DDX54: variants seen among roughly 807,000 people sequenced by gnomAD.
The protein encoded by DDX54 is DEAD-box helicase 54.
A neutral mutation model predicts 105.5 loss-of-function variants in DDX54; 67 were observed. The observed-to-expected ratio is 0.64, with a 90% CI of 0.52 to 0.78. DDX54 has a LOEUF of 0.78. Ranked by LOEUF, DDX54 falls within the 30% of genes least tolerant of loss-of-function variation. The pLI is 0.00. For synonymous variants in DDX54, 514 were observed against 509.9 expected (o/e 1.01, Z -0.11); for missense variants, 1,206 against 1,230.5 (o/e 0.98, Z 0.30).
intron 6 of DDX54, 29 bp from the exon 7 acceptor site, chr12:113,176,964 C>T: frequency 6.2e-7 from 1 of 1,613,946 alleles, no homozygotes; most frequent in Non-Finnish European, 8.5e-7. Context: ...GCCAGGTGAC[C>T]CCAGGGCCAG....
intron 1 of DDX54, among the ~76,000 whole-genome samples, 167 bp from the exon 2 acceptor site, chr12:113,181,225 CAGA>C (rs1324190983): frequency 3.3e-5 from 5 of 151,962 alleles, no homozygotes; most frequent in Admixed American, 6.6e-5. Context: ...TGGGCCAGGA[CAGA>C]AGTTTAGAGT....
chr12:113,175,585 G>A (rs986986016), intron 7 of DDX54, among the ~76,000 whole-genome samples: 1 of 152,140 alleles, frequency 6.6e-6, no homozygotes, highest in South Asian at 2.1e-4. Flanking sequence ...TCAGGAGATC[G>A]AGACCATCCT....
At chr12:113,181,197 A>T in intron 1 of DDX54, 139 bp from the exon 2 acceptor site, 1 of 1,074,654 alleles carries the variant, frequency 9.3e-7, no homozygotes, top group South Asian at 2.0e-5. Context: ...CTTTTTTGCT[A>T]GTAAGTTCTC....
At chr12:113,182,876 C>CTT (rs879610774) in intron 1 of DDX54, among the ~76,000 whole-genome samples, 7 of 134,610 alleles carry the variant, frequency 5.2e-5, no homozygotes, top group Non-Finnish European at 9.6e-5. Flanking sequence ...CTTTTCAACA[C>CTT]TTTTTTTTTT....
chr12:113,159,060 C>T lies in DDX54; in HGVS notation c.2463G>A (p.Pro821=), dbSNP rs768555932. Residue 821 remains proline, a synonymous_variant, in exon 20 of 20, where the codon CCG becomes CCA. Coordinates refer to ENST00000306014, the MANE Select transcript of DDX54 (RefSeq NM_024072.4). ...APGTPAGRVR[P]ELKTKQQILK... is the part of the protein sequence containing the mutation. ...GGATCTGCTGCTTGGTCTTGAGTTC[C>T]GGGCGGACTCGGCCTGCAGGGGTGC... 16 of 1,609,028 alleles carry T rather than the reference C, an allele frequency of 9.9e-6. No homozygotes were observed. The highest frequency in any genetic ancestry group is 5.0e-5 in the Admixed American group (3 of 59,744).
intron 10 of DDX54, among the ~76,000 whole-genome samples, chr12:113,173,801 A>G (rs1952365703): frequency 6.6e-6 from 1 of 152,238 alleles, no homozygotes. Context: ...ACCAGCTATC[A>G]GCTGGTAACA....
intron 12 of DDX54, among the ~76,000 whole-genome samples, chr12:113,168,597 G>A (rs1952302112): frequency 1.3e-5 from 2 of 152,220 alleles, no homozygotes; most frequent in African/African-American, 2.4e-5. Context: ...GATTGCTATT[G>A]TCTGTCCCAT....
chr12:113,172,951 G>C (rs1308545175), intron 10 of DDX54, among the ~76,000 whole-genome samples: 1 of 151,570 alleles, frequency 6.6e-6, no homozygotes, highest in Non-Finnish European at 1.5e-5. Flanking sequence ...CCCCTTCTTT[G>C]TGCCTTATTA....
chr12:113,171,692 G>T (rs956699598), intron 11 of DDX54, among the ~76,000 whole-genome samples: 14 of 151,852 alleles, frequency 9.2e-5, no homozygotes, highest in Non-Finnish European at 1.5e-4. Flanking sequence ...CTGGGAAATG[G>T]CAAAATGCTG....
Position 113,172,527 on chromosome 12 carries a change from A to G in DDX54, c.1105T>C (p.Tyr369His). Residue 369 changes from tyrosine to histidine, a missense_variant, in exon 11 of 20, where the codon TAC becomes CAC. Around this residue, in one of 3 missense-constraint regions of DDX54, gnomAD observed 961 missense variants for 1,019.1 expected, o/e 0.94. Coordinates refer to ENST00000306014, the MANE Select transcript of DDX54 (RefSeq NM_024072.4). Reference sequence around the variant, plus strand: ...CGGGCTGTCGGGTCTAGGGCACTGTAGATGTGGGCGCAGCTCACCCGCTGG... The same window carrying G: ...CGGGCTGTCGGGTCTAGGGCACTGTGGATGTGGGCGCAGCTCACCCGCTGG... ...TTQRVSCAHI[Y>H]SALDPTARKI... 6.2e-7 allele frequency: 1 copy of G among 1,614,238 alleles called. No homozygotes were observed. The highest frequency in any genetic ancestry group is 8.5e-7 in the Non-Finnish European group (1 of 1,180,046).
At chr12:113,168,702 G>A (rs541466720) in intron 12 of DDX54, among the ~76,000 whole-genome samples, 6 of 152,198 alleles carry the variant, frequency 3.9e-5, no homozygotes, top group Middle Eastern at 3.4e-3. Context: ...AGGCCGAGGC[G>A]GGCAGATCAC....
At position 113,183,746 on chromosome 12, in the gene DDX54, T is replaced by C. The variant is rs1433111584; in HGVS notation, c.174+1532A>G. ...ACAAGCTGTGAGGTCTTGGTCAAGCTGCTTTCTCTCTTTTTTTGTAAAGAT... is the reference window on the plus strand; with the variant it reads ...ACAAGCTGTGAGGTCTTGGTCAAGCCGCTTTCTCTCTTTTTTTGTAAAGAT... On this transcript the variant is annotated intron_variant, in intron 1 of 19. Coordinates refer to ENST00000306014, the MANE Select transcript of DDX54 (RefSeq NM_024072.4). 3.3e-5 allele frequency: 5 copies of C among 152,202 alleles called. 1 individual carries two copies. Among genetic ancestry groups the C allele is most frequent in the Non-Finnish European group, 7.3e-5 (5 of 68,060 alleles). 9.4% of individuals were successfully genotyped at this position (152,202 alleles called of 1,614,324 possible).
At position 113,177,102 on chromosome 12, in the gene DDX54, G is replaced by A. The variant is rs762552173; in HGVS notation, c.615-9C>T. The A allele has an allele frequency of 2.5e-6, 4 of 1,613,942 alleles. No individual in the cohort carries two copies. The South Asian group carries it at 3.3e-5, about 13-fold the overall frequency. On this transcript the variant is annotated splice_polypyrimidine_tract_variant and intron_variant, in intron 5 of 19. Coordinates refer to ENST00000306014, the MANE Select transcript of DDX54 (RefSeq NM_024072.4). The stretch of plus-strand genomic sequence containing the variant: ...CAAACTGGTCTTCCATCCTAGAGAG[G>A]AGAGAAGGGGTTAGCTTGATAGAAC...
intron 1 of DDX54, among the ~76,000 whole-genome samples, chr12:113,184,050 G>A (rs1044189601): frequency 2.0e-5 from 3 of 152,102 alleles, no homozygotes; most frequent in Admixed American, 2.0e-4. Flanking sequence ...AGTTTCAAGC[G>A]ATTCTCCTGC....
chr12:113,177,024 G>C (rs111550249), intron 6 of DDX54, 28 bp downstream of exon 6: 2 of 1,614,032 alleles, frequency 1.2e-6, no homozygotes, highest in African/African-American at 2.7e-5. Flanking sequence ...AGGGATCTCA[G>C]GGAGTCATCC....
In DDX54 at chr12:113,157,826, T is replaced by G. The variant is rs1193689043; in HGVS notation, c.*1051A>C. On this transcript the variant is annotated 3_prime_UTR_variant, in exon 20 of 20. Transcript: ENST00000306014. ...ATGGGAGGGCTGTGCCTGTTCAGAGTGCTGTGGGCCTGCCATGAGGGGCAC... is the reference window on the plus strand; with the variant it reads ...ATGGGAGGGCTGTGCCTGTTCAGAGGGCTGTGGGCCTGCCATGAGGGGCAC... 9 of 686,828 alleles carry G rather than the reference T, an allele frequency of 1.3e-5. No individual in the cohort carries two copies. Among genetic ancestry groups the G allele is most frequent in the Non-Finnish European group, 1.0e-5 (4 of 396,948 alleles). 42.5% of individuals were successfully genotyped at this position (686,828 alleles called of 1,614,324 possible).
At chr12:113,173,439 G>A (rs761845240) in intron 10 of DDX54, among the ~76,000 whole-genome samples, 1 of 152,198 alleles carries the variant, frequency 6.6e-6, no homozygotes, top group Non-Finnish European at 1.5e-5. Context: ...GTTGTTAACT[G>A]TGTGTGGAGT....
chr12:113,159,189 T>A (rs573070711), intron 19 of DDX54, 80 bp from the exon 20 acceptor site: 155 of 1,410,888 alleles, frequency 1.1e-4, no homozygotes, highest in Middle Eastern at 4.7e-4. Context: ...TGCAGACTCC[T>A]CCCCTGCCCC....
At chr12:113,171,321 G>A (rs1487676070) in intron 11 of DDX54, among the ~76,000 whole-genome samples, 2 of 152,162 alleles carry the variant, frequency 1.3e-5, no homozygotes, top group African/African-American at 4.8e-5. Flanking sequence ...AAGTTCTGGG[G>A]CCAAGCATGG....
Sources: allele counts gnomAD v4.1 joint callset (sites outside exome capture counted in the v4.1 genomes callset), GRCh38; gene constraint gnomAD v4.1.1; regional missense constraint gnomAD v4.1.1; transcripts MANE v1.5; gene names NCBI Gene and HGNC (gene_info 2026-07-23, HGNC 2026-07-21).